Variants in RBPJ observed in about 807,000 individuals in gnomAD.
RBPJ encodes the protein recombination signal binding protein for immunoglobulin kappa J region, also known as recombining binding protein suppressor of hairless.
In RBPJ, 9 loss-of-function variants were observed where a neutral mutation model predicts 67.8. That is an observed-to-expected ratio of 0.13 (90% confidence interval 0.08 to 0.23). RBPJ has a LOEUF of 0.23. RBPJ is among the 10% of genes least tolerant of loss of function. The pLI is 1.00. For missense variants in RBPJ, 305 were observed against 595.6 expected, an observed-to-expected ratio of 0.51 and a Z score of 5.08; for synonymous variants, 198 against 203.3, an observed-to-expected ratio of 0.97 and a Z score of 0.22.
intron 1 of RBPJ, among the ~76,000 whole-genome samples, chr4:26,222,836 G>A (rs977765293): frequency 8.6e-5 from 13 of 151,902 alleles, no homozygotes; most frequent in African/African-American, 3.1e-4. Context: ...ATCCTTTGAT[G>A]TTTCCTCAAT....
At chr4:26,309,974 C>A (rs1722377434) in intron 1 of RBPJ, among the ~76,000 whole-genome samples, 1 of 152,200 alleles carries the variant, frequency 6.6e-6, no homozygotes, top group Non-Finnish European at 1.5e-5. Context: ...CATTCACGTT[C>A]CACATCACTA....
At chr4:26,119,085 T>G in the RBPJ span, among the ~76,000 whole-genome samples, 1 of 152,192 alleles carries the variant, frequency 6.6e-6, no homozygotes, top group East Asian at 1.9e-4. Context: ...ATCAGTAAAA[T>G]AAGACTAATC....
In RBPJ at chr4:26,424,131, T is replaced by C. The variant is rs530991287; in HGVS notation, c.497-211T>C. ...AGCTTTCACTTTAAAATTATTTTTA[T>C]GGACATTTGATATCATTAGCTTGAC... On this transcript the variant is annotated intron_variant, in intron 5 of 10. Transcript: ENST00000355476. The surrounding 1 kb of genome is among the most constrained non-coding windows in gnomAD (Gnocchi z 5.3). Among the ~76,000 whole-genome samples the C allele has an allele frequency of 6.6e-6, 1 of 152,386 alleles. No homozygotes were observed. The highest frequency in any genetic ancestry group is 1.9e-4 in the East Asian group (1 of 5,196).
intron 1 of RBPJ, among the ~76,000 whole-genome samples, chr4:26,365,293 T>C (rs1728512464): frequency 6.6e-6 from 1 of 152,152 alleles, no homozygotes; most frequent in South Asian, 2.1e-4. Context: ...CATCACTATT[T>C]GACTGATGTT....
the RBPJ span, among the ~76,000 whole-genome samples, chr4:26,149,700 A>ATTGGACTTTCCAGGT: frequency 1.3e-5 from 2 of 152,212 alleles, no homozygotes; most frequent in Non-Finnish European, 2.9e-5. Context: ...TCCAGGTGCC[A>ATTGGACTTTCCAGGT]GCACCTTGTT....
intron 1 of RBPJ, among the ~76,000 whole-genome samples, chr4:26,183,812 A>G (rs1717110087): frequency 6.6e-6 from 1 of 152,066 alleles, no homozygotes; most frequent in Non-Finnish European, 1.5e-5. Flanking sequence ...GGAGTTTGAG[A>G]CCAGCCTGGC....
intron 1 of RBPJ, among the ~76,000 whole-genome samples, chr4:26,331,452 AT>A (rs1457241912): frequency 6.6e-6 from 1 of 151,440 alleles, no homozygotes; most frequent in Non-Finnish European, 1.5e-5. Context: ...TGTTACATGC[AT>A]TTTTAAAAAA....
chr4:26,206,582 T>C (rs1283090831), intron 1 of RBPJ, among the ~76,000 whole-genome samples: 2 of 152,170 alleles, frequency 1.3e-5, no homozygotes, highest in Non-Finnish European at 2.9e-5. Flanking sequence ...AACCAGCATA[T>C]TTCTGCAGGC....
chr4:26,209,244 A>G (rs537984307), intron 1 of RBPJ, among the ~76,000 whole-genome samples: 1 of 152,184 alleles, frequency 6.6e-6, no homozygotes, highest in African/African-American at 2.4e-5. Flanking sequence ...GGTGGCTCTA[A>G]AACACGGCAG....
chr4:26,298,984 A>G (rs1721979210), intron 1 of RBPJ, among the ~76,000 whole-genome samples: 2 of 152,364 alleles, frequency 1.3e-5, no homozygotes, highest in Admixed American at 1.3e-4. Context: ...GGTCAGAGAA[A>G]GCTGAATTCG....
chr4:26,389,846 T>C (rs1731322458), intron 2 of RBPJ, among the ~76,000 whole-genome samples: 1 of 152,096 alleles, frequency 6.6e-6, no homozygotes, highest in Non-Finnish European at 1.5e-5. Flanking sequence ...GGCTTCACTG[T>C]TGAATTCTAC....
intron 1 of RBPJ, among the ~76,000 whole-genome samples, chr4:26,367,361 T>C (rs1182573305): frequency 6.6e-6 from 1 of 151,780 alleles, no homozygotes; most frequent in Admixed American, 6.6e-5. Flanking sequence ...TCTCAACTAC[T>C]TGGGAGGCTG....
At position 26,355,580 on chromosome 4, in the gene RBPJ, TG is replaced by T. The variant is rs1727286117; in HGVS notation, c.21-30770del. Among the ~76,000 whole-genome samples, 4 of 151,742 alleles carry T rather than the reference TG, an allele frequency of 2.6e-5. No homozygotes were observed. The South Asian group carries it at 8.3e-4, about 32-fold the overall frequency. On this transcript the variant is annotated intron_variant, in intron 1 of 10. Transcript: ENST00000355476. ...GAGCCCCAGGAGTTCAGGGCTGCAG[TG>T]GGCTATGATCTGTGCTACTGCACTC...
At chr4:26,342,292 G>A (rs1725622906) in intron 1 of RBPJ, among the ~76,000 whole-genome samples, 1 of 151,522 alleles carries the variant, frequency 6.6e-6, no homozygotes, top group Non-Finnish European at 1.5e-5. Flanking sequence ...AAGGGAATGT[G>A]GTGTTTAGTA....
At chr4:26,393,695 G>T (rs1560318759) in intron 2 of RBPJ, among the ~76,000 whole-genome samples, 1 of 150,456 alleles carries the variant, frequency 6.6e-6, no homozygotes, top group East Asian at 1.9e-4. Context: ...TTTTTAAAAT[G>T]TTTTTTTTTC....
chr4:26,122,959 C>A, the RBPJ span, among the ~76,000 whole-genome samples: 832 of 152,250 alleles, frequency 5.5e-3, 9 homozygotes, highest in African/African-American at 0.019. Flanking sequence ...GCTGCTCTAA[C>A]AGAAACTCAA....
chr4:26,302,234 G>T (rs775834921), intron 1 of RBPJ, among the ~76,000 whole-genome samples: 15 of 152,182 alleles, frequency 9.9e-5, no homozygotes, highest in Admixed American at 2.0e-4. Flanking sequence ...CTCAATCATG[G>T]GTCCCAGCAC....
At chr4:26,294,361 TG>T (rs1274601427) in intron 1 of RBPJ, among the ~76,000 whole-genome samples, 1 of 152,192 alleles carries the variant, frequency 6.6e-6, no homozygotes, top group African/African-American at 2.4e-5. Flanking sequence ...CCTCCCAAAG[TG>T]CTGGGAATAC....
At chr4:26,144,434 T>A in the RBPJ span, among the ~76,000 whole-genome samples, 2 of 152,174 alleles carry the variant, frequency 1.3e-5, no homozygotes, top group East Asian at 3.9e-4. Context: ...CATGCCCAGC[T>A]AATTTTTGTA....
Sources: gnomAD v4.1 joint callset for allele counts (sites outside exome capture counted in the v4.1 genomes callset) on GRCh38, gnomAD v4.1.1 for gene constraint, Gnocchi (gnomAD v3.1) non-coding constraint, MANE v1.5 for transcripts, NCBI Gene and HGNC (gene_info 2026-07-23, HGNC 2026-07-21) for gene names.